The following MAST4 variants were observed in gnomAD, a reference collection of about 807,000 sequenced individuals.
MAST4 encodes the protein microtubule associated serine/threonine kinase family member 4.
In MAST4, 89 loss-of-function variants were observed where a neutral mutation model predicts 162.7. The ratio of observed to expected loss-of-function variants is 0.55; its 90% confidence interval spans 0.46 to 0.65. The LOEUF (loss-of-function observed/expected upper bound fraction) is 0.65. Among genes scored for constraint, MAST4 ranks in the 30% least tolerant of loss-of-function variants. MAST4 has a pLI of 0.00. For synonymous variants in MAST4, 1,479 were observed against 1,361.1 expected, an observed-to-expected ratio of 1.09 and a Z score of -1.91; for missense variants, 3,153 against 3,374.0, an observed-to-expected ratio of 0.93 and a Z score of 1.62.
chr5:67,021,595 G>T (rs889635111), intron 4 of MAST4, among the ~76,000 whole-genome samples: 1 of 152,138 alleles, frequency 6.6e-6, no homozygotes, highest in Non-Finnish European at 1.5e-5. Context: ...TTTTTGGTGT[G>T]TTTATTTTGC....
intron 1 of MAST4, among the ~76,000 whole-genome samples, chr5:66,731,416 C>CATAGAACAAGGTGTTTG (rs1751849742): frequency 6.6e-6 from 1 of 152,116 alleles, no homozygotes; most frequent in African/African-American, 2.4e-5. Flanking sequence ...GAGATGGCAA[C>CATAGAACAAGGTGTTTG]CTATCAATTT....
rs554785285 is a variant in MAST4, at chr5:66,629,126, G to A, written c.363+32108G>A. Among the ~76,000 whole-genome samples, 48 of 152,274 alleles carry A rather than the reference G, an allele frequency of 3.2e-4. No individual in the cohort carries two copies. The Middle Eastern group carries it at 0.01, about 32-fold the overall frequency. ...GGGAGAGTGCAGGCTGAGGTCTTTC[G>A]GAAATTGAGCCTGCATTGATAATCA... is the stretch of plus-strand genomic sequence containing the variant. On this transcript the variant is annotated intron_variant, in intron 1 of 28. Transcript: ENST00000403625.
intron 1 of MAST4, among the ~76,000 whole-genome samples, chr5:66,626,412 T>C (rs1229929480): frequency 1.3e-5 from 2 of 152,204 alleles, no homozygotes; most frequent in Non-Finnish European, 2.9e-5. Flanking sequence ...ATGGGTTCCA[T>C]GCACTACTGA....
At chr5:67,049,000 TACAC>T (rs1554087344) in intron 4 of MAST4, among the ~76,000 whole-genome samples, 1 of 124,750 alleles carries the variant, frequency 8.0e-6, no homozygotes, top group South Asian at 2.5e-4. Context: ...TATATATATA[TACAC>T]ACACATATAT....
intron 4 of MAST4, among the ~76,000 whole-genome samples, chr5:67,033,956 A>T (rs370145659): frequency 6.6e-6 from 1 of 152,134 alleles, no homozygotes; most frequent in East Asian, 1.9e-4. Context: ...AACCCTGTTT[A>T]TCTATTTGGT....
At chr5:66,882,399 TTA>T (rs1761748857) in intron 3 of MAST4, among the ~76,000 whole-genome samples, 1 of 152,192 alleles carries the variant, frequency 6.6e-6, no homozygotes, top group African/African-American at 2.4e-5. Flanking sequence ...CCCACAGATC[TTA>T]GGCGTTCTTT....
intron 18 of MAST4, among the ~76,000 whole-genome samples, 158 bp from the exon 19 acceptor site, chr5:67,136,405 C>T (rs537987272): frequency 6.6e-6 from 1 of 152,318 alleles, no homozygotes; most frequent in South Asian, 2.1e-4. Flanking sequence ...GTTTAGGAAT[C>T]GACTGAAGAT....
intron 3 of MAST4, among the ~76,000 whole-genome samples, chr5:66,795,727 C>T (rs1221723656): frequency 6.6e-6 from 1 of 152,158 alleles, no homozygotes; most frequent in African/African-American, 2.4e-5. Context: ...TTCCTTTATT[C>T]CCTAAATCAG....
chr5:66,713,244 A>T (rs1750609483), intron 1 of MAST4, among the ~76,000 whole-genome samples: 1 of 152,160 alleles, frequency 6.6e-6, no homozygotes. Context: ...CACACAGCCC[A>T]CCTGGAAGGT....
chr5:66,859,463 C>G (rs1759931407), intron 3 of MAST4, among the ~76,000 whole-genome samples: 1 of 152,156 alleles, frequency 6.6e-6, no homozygotes, highest in African/African-American at 2.4e-5. Context: ...TCCAATCCTA[C>G]CACCCCTGTC....
intron 1 of MAST4, among the ~76,000 whole-genome samples, chr5:66,626,950 C>T (rs1001249202): frequency 6.6e-6 from 1 of 152,128 alleles, no homozygotes; most frequent in Non-Finnish European, 1.5e-5. Context: ...TCATGACTTA[C>T]AGGTCAGGAA....
intron 2 of MAST4, among the ~76,000 whole-genome samples, chr5:66,763,359 C>T (rs988066536): frequency 6.6e-6 from 1 of 152,116 alleles, no homozygotes; most frequent in Non-Finnish European, 1.5e-5. Flanking sequence ...TAAAACTAGG[C>T]AATTAGTACA....
intron 4 of MAST4, chr5:66,959,057 G>C: frequency 1.7e-6 from 1 of 602,008 alleles, no homozygotes; most frequent in Non-Finnish European, 3.0e-6. Context: ...CCGTTAACCT[G>C]AGGAAAGCAG....
chr5:67,120,964 A>C, intron 13 of MAST4, 53 bp from the exon 14 acceptor site: 1 of 1,269,290 alleles, frequency 7.9e-7, no homozygotes, highest in Non-Finnish European at 1.1e-6. Context: ...TTGCTGATAA[A>C]ATAATTTTCT....
At position 66,624,146 on chromosome 5, in the gene MAST4, G is replaced by GTTTTTTTTTTT. The variant is rs200030700; in HGVS notation, c.363+27141_363+27151dup. 8.4e-4 allele frequency among the ~76,000 whole-genome samples: 76 copies of GTTTTTTTTTTT among 90,118 alleles called. 7 individuals carry two copies. The highest frequency in any genetic ancestry group is 1.1e-3 in the East Asian group (3 of 2,648). 59.1% of individuals were successfully genotyped at this position (90,118 alleles called of 152,430 possible). On this transcript the variant is annotated intron_variant, in intron 1 of 28. Coordinates refer to ENST00000403625, the MANE Select transcript of MAST4 (RefSeq NM_001164664.2). ...TTGGAAGAATTAATATTGTTAAAAT[G>GTTTTTTTTTTT]TTTTTTTTTTTTTTTTTTTTTTTGA...
At chr5:67,114,547 G>T (rs558307216) in intron 12 of MAST4, 21 of 239,880 alleles carry the variant, frequency 8.8e-5, no homozygotes, top group African/African-American at 4.8e-4. Context: ...GCTCAGTTGG[G>T]CTCTTGAGAG....
intron 1 of MAST4, among the ~76,000 whole-genome samples, chr5:66,637,212 T>C (rs925296299): frequency 2.6e-5 from 4 of 151,044 alleles, no homozygotes; most frequent in Non-Finnish European, 4.4e-5. Context: ...TGTAACTAAT[T>C]TTCTATTGGG....
intron 1 of MAST4, among the ~76,000 whole-genome samples, chr5:66,755,332 C>G (rs1753468183): frequency 6.6e-6 from 1 of 152,198 alleles, no homozygotes; most frequent in Non-Finnish European, 1.5e-5. Flanking sequence ...AAAAAGCTTT[C>G]TCTTTCTGCT....
intron 2 of MAST4, among the ~76,000 whole-genome samples, chr5:66,778,161 T>G (rs147157260): frequency 3.9e-5 from 6 of 152,352 alleles, no homozygotes; most frequent in African/African-American, 1.4e-4. Context: ...CTTGTTACCA[T>G]GTTCTCATTA....
Sources: allele counts gnomAD v4.1 joint callset (sites outside exome capture counted in the v4.1 genomes callset), GRCh38; gene constraint gnomAD v4.1.1; transcripts MANE v1.5; gene names NCBI Gene and HGNC (gene_info 2026-07-23, HGNC 2026-07-21).